CABIN1: variants seen among roughly 807,000 people sequenced by gnomAD.
The protein encoded by CABIN1 is calcineurin-binding protein cabin-1.
In CABIN1, 133 loss-of-function variants were observed where a neutral mutation model predicts 227.7. That is an observed-to-expected ratio of 0.58 (90% confidence interval 0.51 to 0.67). CABIN1 has a LOEUF of 0.67. Among genes scored for constraint, CABIN1 ranks in the 30% least tolerant of loss-of-function variants. The probability of loss-of-function intolerance (pLI) is 0.00; values close to 1 mark genes in which losing one functional copy is unlikely to be tolerated. For synonymous variants in CABIN1, 1,086 were observed against 1,155.1 expected (o/e 0.94, Z 1.21); for missense variants, 2,408 against 2,852.5 (o/e 0.84, Z 3.55).
At position 24,175,874 on chromosome 22, in the gene CABIN1, G is replaced by C. The variant is rs554338566; in HGVS notation, c.6041-237G>C. ...ACTGGGTCAGGTGTATAGCCCTCTC[G>C]GGAGGCGGAGGAGCCCTCTGGGGGT... On this transcript the variant is annotated intron_variant, in intron 34 of 36. Transcript: ENST00000263119. The C allele has an allele frequency of 2.2e-4, 135 of 614,158 alleles. No individual in the cohort carries two copies. The African/African-American group carries it at 2.2e-3, about 10-fold the overall frequency. 38.0% of individuals were successfully genotyped at this position (614,158 alleles called of 1,614,324 possible).
chr22:24,035,991 T>G (rs555337765), intron 2 of CABIN1, 98 bp from the exon 3 acceptor site: 1 of 835,162 alleles, frequency 1.2e-6, no homozygotes, highest in South Asian at 1.3e-5. Flanking sequence ...GTAGAATAGA[T>G]CATATGCTGG....
At chr22:24,039,995 G>T (rs2037240366) in intron 4 of CABIN1, among the ~76,000 whole-genome samples, 1 of 152,256 alleles carries the variant, frequency 6.6e-6, no homozygotes, top group Non-Finnish European at 1.5e-5. Context: ...CAGGGTGGAT[G>T]GAGAGTGGTG....
At chr22:24,142,328 A>G (rs976470263) in intron 29 of CABIN1, among the ~76,000 whole-genome samples, 7 of 152,160 alleles carry the variant, frequency 4.6e-5, no homozygotes, top group African/African-American at 1.7e-4. Flanking sequence ...CTCAGCAGGC[A>G]GGGAGTGCCT....
intron 19 of CABIN1, among the ~76,000 whole-genome samples, chr22:24,080,225 A>T (rs565101387): frequency 2.0e-5 from 3 of 152,290 alleles, no homozygotes; most frequent in Non-Finnish European, 4.4e-5. Context: ...ACCTTCTTAC[A>T]TGTTGGCTCT....
At chr22:24,156,886 C>A (rs984173024) in intron 29 of CABIN1, among the ~76,000 whole-genome samples, 2 of 152,162 alleles carry the variant, frequency 1.3e-5, no homozygotes, top group African/African-American at 2.4e-5. Flanking sequence ...CCCGGCAGTT[C>A]TGGGGACCTT....
intron 8 of CABIN1, among the ~76,000 whole-genome samples, chr22:24,052,790 C>CA (rs933884374): frequency 0.04 from 3,858 of 95,316 alleles, 84 homozygotes; most frequent in African/African-American, 0.093. Flanking sequence ...ACCCCCATCT[C>CA]AAAAAAAAAA....
At chr22:24,029,548 C>A (rs2036342631) in intron 1 of CABIN1, among the ~76,000 whole-genome samples, 1 of 151,348 alleles carries the variant, frequency 6.6e-6, no homozygotes, top group Admixed American at 6.6e-5. Context: ...CAGAGTGAGA[C>A]CCTGTCTTAA....
intron 10 of CABIN1, among the ~76,000 whole-genome samples, chr22:24,057,777 C>T (rs1328177473): frequency 1.3e-5 from 2 of 152,158 alleles, no homozygotes; most frequent in African/African-American, 4.8e-5. Context: ...GACGCAGAAC[C>T]AAAGTGGGGC....
chr22:24,069,760 G>A (rs2039954855), intron 16 of CABIN1, among the ~76,000 whole-genome samples: 2 of 152,088 alleles, frequency 1.3e-5, no homozygotes, highest in Admixed American at 6.5e-5. Flanking sequence ...TATAAATTGG[G>A]GGGGGTTTTG....
In CABIN1 at chr22:24,076,359, C is replaced by G. The variant is rs2040444198; in HGVS notation, c.2748+75C>G. The G allele has an allele frequency of 1.1e-5, 14 of 1,223,744 alleles. No homozygotes were observed. The East Asian group carries it at 3.3e-4, about 29-fold the overall frequency. 75.8% of individuals were successfully genotyped at this position (1,223,744 alleles called of 1,614,324 possible). ...GGTGGGAGGTGGAATGGGAAGGGGA[C>G]AGATTCATGTTGGCACGCTGGGCTT... On this transcript the variant is annotated intron_variant, in intron 19 of 36. Transcript: ENST00000263119.
At chr22:24,032,027 T>C (rs971413659) in intron 1 of CABIN1, among the ~76,000 whole-genome samples, 1 of 152,238 alleles carries the variant, frequency 6.6e-6, no homozygotes, top group African/African-American at 2.4e-5. Context: ...ACTTTTTAAG[T>C]GTACAGCTCA....
Position 24,087,643 on chromosome 22 carries a change from C to G in CABIN1, c.3455C>G (p.Ala1152Gly). ...LWIEYGTMSYALHSFASRQLK... is the reference protein window; with the variant it reads ...LWIEYGTMSYGLHSFASRQLK... ...ATTGAGTATGGCACCATGTCCTATG[C>G]CTTGCACTCATTCGCCTCACGTCAA... The change falls in exon 23 of 37, where the codon GCC (alanine) becomes GGC (glycine). Residue 1152 changes from alanine to glycine, a missense_variant. By Grantham distance (60) the Ala-to-Gly change is moderately conservative (BLOSUM62 0). Around this residue, in one of 3 missense-constraint regions of CABIN1, gnomAD observed 649 missense variants for 910.3 expected, o/e 0.71. Transcript: ENST00000263119. The G allele has an allele frequency of 6.2e-7, 1 of 1,614,190 alleles. No homozygotes were observed. The highest frequency in any genetic ancestry group is 1.7e-4 in the Middle Eastern group (1 of 6,060).
At chr22:24,127,637 G>T (rs556313262) in intron 28 of CABIN1, among the ~76,000 whole-genome samples, 19 of 152,268 alleles carry the variant, frequency 1.2e-4, no homozygotes, top group African/African-American at 4.3e-4. Flanking sequence ...TAGCAGCCTG[G>T]CAGCGCTAGC....
intron 29 of CABIN1, among the ~76,000 whole-genome samples, chr22:24,147,939 T>C (rs980185982): frequency 6.6e-6 from 1 of 152,042 alleles, no homozygotes; most frequent in Non-Finnish European, 1.5e-5. Context: ...CCCACTCACA[T>C]TCAGGAAAGC....
chr22:24,062,055 GCT>G lies in CABIN1; in HGVS notation c.1696+31_1696+32del. 3 of 1,562,412 alleles carry G rather than the reference GCT, an allele frequency of 1.9e-6. No individual in the cohort carries two copies. In the South Asian group the frequency reaches 3.3e-5, roughly 17 times the overall value. ...GAGGCATTATGTGTTCTGTGGCCAG[GCT>G]AATATCTGAACCCCCAGCAGCTGGG... On this transcript the variant is annotated intron_variant, in intron 13 of 36. Coordinates refer to ENST00000263119, the MANE Select transcript of CABIN1 (RefSeq NM_012295.4).
At chr22:24,135,559 A>G (rs1308931796) in intron 29 of CABIN1, among the ~76,000 whole-genome samples, 1 of 151,224 alleles carries the variant, frequency 6.6e-6, no homozygotes, top group Non-Finnish European at 1.5e-5. Flanking sequence ...ACCTGGATCT[A>G]CCCTCCCCCA....
intron 12 of CABIN1, among the ~76,000 whole-genome samples, chr22:24,060,893 CT>C (rs201761341): frequency 0.019 from 2,878 of 151,860 alleles, 35 homozygotes; most frequent in South Asian, 0.036. Flanking sequence ...AGGCGAGACT[CT>C]TGTCTCAAAA....
At chr22:24,013,049 C>T (rs1471983107) in intron 1 of CABIN1, among the ~76,000 whole-genome samples, 1 of 151,886 alleles carries the variant, frequency 6.6e-6, no homozygotes, top group Non-Finnish European at 1.5e-5. Context: ...GCGTCAGACA[C>T]CGCGCCCGGC....
In CABIN1 at chr22:24,168,346, GC is replaced by G. The variant is rs2046579648; in HGVS notation, c.5683-96del. On this transcript the variant is annotated intron_variant, in intron 32 of 36. Coordinates refer to ENST00000263119, the MANE Select transcript of CABIN1 (RefSeq NM_012295.4). ...GGGGGGCACCCGAGCCACAGGGCAT[GC>G]CCCCTACCTAGGCTGGTCTGTGCTA... 1.1e-5 allele frequency: 13 copies of G among 1,180,130 alleles called. No homozygotes were observed. In the South Asian group the frequency reaches 1.6e-4, roughly 14 times the overall value. 73.1% of individuals were successfully genotyped at this position (1,180,130 alleles called of 1,614,324 possible).
Sources: gnomAD v4.1 joint callset for allele counts (sites outside exome capture counted in the v4.1 genomes callset) on GRCh38, gnomAD v4.1.1 for gene constraint, gnomAD v4.1.1 regional missense constraint, MANE v1.5 for transcripts, NCBI Gene and HGNC (gene_info 2026-07-23, HGNC 2026-07-21) for gene names.